The following PTPRN2 variants were observed in gnomAD, a reference collection of about 807,000 sequenced individuals.
PTPRN2 encodes receptor-type tyrosine-protein phosphatase N2.
Under a neutral mutation model 118.8 loss-of-function variants are expected in PTPRN2, and 74 were observed. That is an observed-to-expected ratio of 0.62 (90% CI 0.52 to 0.76). The LOEUF (loss-of-function observed/expected upper bound fraction) is 0.76, where lower values mean the gene tolerates loss of function less well. PTPRN2 is among the 30% of genes least tolerant of loss of function. PTPRN2 has a pLI of 0.00. For synonymous variants in PTPRN2, 641 were observed against 608.0 expected (o/e 1.05, Z -0.80); for missense variants, 1,481 against 1,394.4 (o/e 1.06, Z -0.99).
chr7:157,582,461 G>A (rs375326167), intron 17 of PTPRN2, among the ~76,000 whole-genome samples: 2 of 152,150 alleles, frequency 1.3e-5, no homozygotes, highest in Non-Finnish European at 1.5e-5. Context: ...CTGGCACCTC[G>A]TGCCTGTTGG....
intron 12 of PTPRN2, among the ~76,000 whole-genome samples, chr7:157,776,377 C>G (rs1293123809): frequency 8.6e-6 from 1 of 115,986 alleles, no homozygotes; most frequent in Non-Finnish European, 1.8e-5. Context: ...CTCTCTTCTT[C>G]CTCACTCTCC....
Position 157,596,412 on chromosome 7 carries a change from C to A in PTPRN2, c.2419-1097G>T, listed in dbSNP as rs112006324. ...TCTCCGGCTCCCCAGTTTGTCCGAA[C>A]GCATCTTGCTAGCTCCAATGGGAGA... On this transcript the variant is annotated intron_variant, in intron 16 of 22. Transcript: ENST00000389418. This position sits in a 1 kb window ranked among gnomAD's most constrained non-coding sequence, Gnocchi z 4.2. Among the ~76,000 whole-genome samples the A allele has an allele frequency of 3.3e-5, 5 of 152,326 alleles. No individual in the cohort carries two copies. The highest frequency in any genetic ancestry group is 1.3e-4 in the Admixed American group (2 of 15,308).
chr7:157,834,304 T>C (rs1584819190), intron 12 of PTPRN2, among the ~76,000 whole-genome samples: 1 of 126,708 alleles, frequency 7.9e-6, no homozygotes, highest in South Asian at 2.9e-4. Flanking sequence ...ATCCATCAAT[T>C]CCACCCACCA....
At chr7:158,527,848 G>T (rs1387171613) in intron 1 of PTPRN2, among the ~76,000 whole-genome samples, 1 of 152,214 alleles carries the variant, frequency 6.6e-6, no homozygotes, top group Non-Finnish European at 1.5e-5. Flanking sequence ...AGATTCATCA[G>T]CACCAGCCAC....
chr7:158,512,783 G>A (rs1823272496), intron 1 of PTPRN2, among the ~76,000 whole-genome samples: 1 of 152,186 alleles, frequency 6.6e-6, no homozygotes, highest in Non-Finnish European at 1.5e-5. Flanking sequence ...AAGGAAGGAA[G>A]TGTTTTCAAA....
chr7:158,346,590 A>ATC (rs1807531571), intron 2 of PTPRN2, among the ~76,000 whole-genome samples: 1 of 152,170 alleles, frequency 6.6e-6, no homozygotes, highest in Non-Finnish European at 1.5e-5. Context: ...GAGGGTGCAG[A>ATC]TCTCTCTTCA....
chr7:158,489,897 G>T (rs995118931), intron 1 of PTPRN2, 112 bp from the exon 2 acceptor site: 5 of 1,023,336 alleles, frequency 4.9e-6, no homozygotes, highest in African/African-American at 1.6e-5. Flanking sequence ...GGTCAAGCAG[G>T]CTCCTCCGAC....
chr7:158,556,461 G>A (rs1827002151), intron 1 of PTPRN2, among the ~76,000 whole-genome samples: 2 of 151,980 alleles, frequency 1.3e-5, no homozygotes. Context: ...GGCTGAGGCA[G>A]GAGAATCACT....
chr7:157,814,850 G>A (rs1351958218), intron 12 of PTPRN2, among the ~76,000 whole-genome samples: 1 of 152,200 alleles, frequency 6.6e-6, no homozygotes, highest in East Asian at 1.9e-4. Context: ...TGTTTCAGGT[G>A]TCCACACTTT....
chr7:158,464,164 C>A (rs1245646704), intron 2 of PTPRN2, among the ~76,000 whole-genome samples: 1 of 86,054 alleles, frequency 1.2e-5, no homozygotes, highest in Non-Finnish European at 2.3e-5. Context: ...CCATCACCAT[C>A]ATTGCCATGC....
At chr7:158,152,128 C>G (rs1424617171) in intron 6 of PTPRN2, among the ~76,000 whole-genome samples, 5 of 134,504 alleles carry the variant, frequency 3.7e-5, no homozygotes. Flanking sequence ...GAGCCGAGAT[C>G]ACGCCACTGC....
chr7:157,849,825 C>A (rs1399219466), intron 12 of PTPRN2, among the ~76,000 whole-genome samples: 4 of 152,126 alleles, frequency 2.6e-5, no homozygotes, highest in African/African-American at 9.7e-5. Context: ...CAGGGGAGGC[C>A]AAACGTGTTA....
At chr7:158,347,561 G>C (rs1482483139) in intron 2 of PTPRN2, among the ~76,000 whole-genome samples, 1 of 152,068 alleles carries the variant, frequency 6.6e-6, no homozygotes. Flanking sequence ...TGTTCCTTTG[G>C]CTCCTGATTG....
chr7:157,559,144 C>T (rs1799053077), intron 21 of PTPRN2, among the ~76,000 whole-genome samples: 1 of 152,174 alleles, frequency 6.6e-6, no homozygotes, highest in Admixed American at 6.5e-5. Context: ...CCTGCAGCAC[C>T]CTGACTCCAT....
intron 1 of PTPRN2, among the ~76,000 whole-genome samples, chr7:158,513,589 A>C (rs760152278): frequency 1.5e-4 from 22 of 149,620 alleles, no homozygotes; most frequent in Non-Finnish European, 2.4e-4. Context: ...TATTTTAGTA[A>C]ATCTAAAACT....
intron 12 of PTPRN2, among the ~76,000 whole-genome samples, chr7:157,791,531 C>A (rs1454078258): frequency 6.8e-6 from 1 of 146,244 alleles, no homozygotes; most frequent in Non-Finnish European, 1.5e-5. Context: ...CCTGCACCCG[C>A]CCCCGCTCCC....
At chr7:158,450,410 T>C (rs577054734) in intron 2 of PTPRN2, among the ~76,000 whole-genome samples, 105 of 152,364 alleles carry the variant, frequency 6.9e-4, no homozygotes, top group Non-Finnish European at 6.8e-4. Flanking sequence ...TTCTTGCTTT[T>C]TTTAACCTCA....
chr7:157,683,215 C>T (rs1006117286), intron 12 of PTPRN2, among the ~76,000 whole-genome samples: 1 of 152,196 alleles, frequency 6.6e-6, no homozygotes, highest in Non-Finnish European at 1.5e-5. Context: ...ATTTATGTAA[C>T]GTATTTGGCA....
intron 11 of PTPRN2, among the ~76,000 whole-genome samples, chr7:157,952,093 T>C (rs560836233): frequency 9.2e-5 from 14 of 152,304 alleles, no homozygotes; most frequent in Admixed American, 8.5e-4. Context: ...CTGCACACCC[T>C]GCGGGGAGGC....
Sources: allele counts gnomAD v4.1 joint callset (sites outside exome capture counted in the v4.1 genomes callset), GRCh38; gene constraint gnomAD v4.1.1; non-coding constraint Gnocchi (gnomAD v3.1); transcripts MANE v1.5; gene names NCBI Gene and HGNC (gene_info 2026-07-23, HGNC 2026-07-21).